The following NOX4 variants were observed in gnomAD, a reference collection of about 807,000 sequenced individuals.
NOX4 encodes the protein NADPH oxidase 4, also known as kidney oxidase-1.
In NOX4, 69 loss-of-function variants were observed where a neutral mutation model predicts 87.6. The observed-to-expected ratio is 0.79, with a 90% CI of 0.65 to 0.96. NOX4 has a LOEUF of 0.96. Among genes scored for constraint, NOX4 ranks in the 40% least tolerant of loss-of-function variants. The pLI is 0.00. For synonymous variants in NOX4, 275 were observed against 238.2 expected (o/e 1.15, Z -1.42); for missense variants, 680 against 681.5 (o/e 1.00, Z 0.02).
At chr11:89,385,921 T>G (rs769179035) in intron 11 of NOX4, among the ~76,000 whole-genome samples, 1 of 152,142 alleles carries the variant, frequency 6.6e-6, no homozygotes, top group Non-Finnish European at 1.5e-5. Flanking sequence ...CACCTCTACA[T>G]AGTCCAATAA....
At chr11:89,389,480 A>T (rs1940968090) in intron 11 of NOX4, among the ~76,000 whole-genome samples, 1 of 152,142 alleles carries the variant, frequency 6.6e-6, no homozygotes, top group Admixed American at 6.6e-5. Context: ...ATTGTTTCTA[A>T]CTGGCACAGT....
At chr11:89,578,250 C>T in the NOX4 span, among the ~76,000 whole-genome samples, 26 of 152,052 alleles carry the variant, frequency 1.7e-4, no homozygotes, top group East Asian at 1.9e-3. Flanking sequence ...CAACCTCTGC[C>T]TCCCGGGTTC....
At chr11:89,405,249 C>T (rs936407520) in intron 8 of NOX4, among the ~76,000 whole-genome samples, 2 of 152,016 alleles carry the variant, frequency 1.3e-5, no homozygotes, top group African/African-American at 4.8e-5. Flanking sequence ...AATGTTGTTA[C>T]TATACAGTAA....
chr11:89,383,191 T>A (rs1283808692), intron 11 of NOX4, among the ~76,000 whole-genome samples: 1 of 152,186 alleles, frequency 6.6e-6, no homozygotes, highest in Admixed American at 6.5e-5. Context: ...ACACAAGAAC[T>A]TCAAAACGCC....
chr11:89,418,503 T>C (rs1168856981), intron 8 of NOX4, among the ~76,000 whole-genome samples: 1 of 150,370 alleles, frequency 6.7e-6, no homozygotes, highest in Non-Finnish European at 1.5e-5. Flanking sequence ...AGAGCAAATG[T>C]TAGTAAAAGA....
chr11:89,373,341 A>G (rs1467762802), intron 12 of NOX4, 91 bp downstream of exon 12: 8 of 760,478 alleles, frequency 1.1e-5, no homozygotes, highest in African/African-American at 3.5e-5. Context: ...ACACATCTCT[A>G]TACATGCTGG....
intron 6 of NOX4, among the ~76,000 whole-genome samples, chr11:89,439,210 AG>A (rs1032506135): frequency 6.6e-6 from 1 of 150,782 alleles, no homozygotes; most frequent in Non-Finnish European, 1.5e-5. Context: ...TATTAAACAA[AG>A]CTTTTGTTTC....
intron 13 of NOX4, among the ~76,000 whole-genome samples, chr11:89,346,448 C>A (rs914318145): frequency 6.6e-6 from 1 of 151,322 alleles, no homozygotes; most frequent in East Asian, 1.9e-4. Context: ...GCTACTTTGT[C>A]GACTGACAAT....
the NOX4 span, among the ~76,000 whole-genome samples, chr11:89,560,737 T>C: frequency 6.6e-6 from 1 of 151,750 alleles, no homozygotes; most frequent in Admixed American, 6.6e-5. Context: ...CTCCTGCCTT[T>C]GGACATCAGA....
chr11:89,351,013 G>A (rs1946432644), intron 13 of NOX4, among the ~76,000 whole-genome samples: 1 of 152,218 alleles, frequency 6.6e-6, no homozygotes, highest in African/African-American at 2.4e-5. Flanking sequence ...TGAAAGCTGA[G>A]ATAGGCATAA....
In NOX4 at chr11:89,367,082, T is replaced by C. The variant is rs117067307; in HGVS notation, c.1135+6350A>G. On this transcript the variant is annotated intron_variant, in intron 12 of 17. Transcript: ENST00000263317. ...CACATTCATTGAATGATTTATTATA[T>C]TGTGATAGTAAATAAGCCATGTTAA... Among the ~76,000 whole-genome samples the C allele has an allele frequency of 2.5e-4, 38 of 152,290 alleles. 1 individual carries two copies. The East Asian group carries it at 7.2e-3, about 29-fold the overall frequency.
the NOX4 span, among the ~76,000 whole-genome samples, chr11:89,579,151 A>G: frequency 6.6e-6 from 1 of 152,200 alleles, no homozygotes; most frequent in Non-Finnish European, 1.5e-5. Context: ...GAGTTCATGG[A>G]AGAAAGGGAT....
At chr11:89,458,854 T>C (rs535164262) in intron 2 of NOX4, among the ~76,000 whole-genome samples, 1 of 152,324 alleles carries the variant, frequency 6.6e-6, no homozygotes, top group Admixed American at 6.5e-5. Flanking sequence ...ATGCTGTTCA[T>C]GGGAATGTGA....
At chr11:89,433,810 A>C (rs1591235097) in intron 6 of NOX4, among the ~76,000 whole-genome samples, 1 of 152,126 alleles carries the variant, frequency 6.6e-6, no homozygotes, top group African/African-American at 2.4e-5. Context: ...TAATGGCAGG[A>C]TAGATTGCTA....
At chr11:89,470,733 T>C (rs1004124021) in intron 2 of NOX4, among the ~76,000 whole-genome samples, 33 of 152,304 alleles carry the variant, frequency 2.2e-4, no homozygotes, top group African/African-American at 7.9e-4. Flanking sequence ...TCCTTTTTTT[T>C]GGTCCCAACT....
upstream of NOX4, among the ~76,000 whole-genome samples, chr11:89,494,961 G>T (rs1445943301): frequency 6.6e-6 from 1 of 152,124 alleles, no homozygotes; most frequent in Non-Finnish European, 1.5e-5. Context: ...TTCTTCTTTT[G>T]AGACAGGATC....
At chr11:89,422,553 G>A (rs1425622175) in intron 7 of NOX4, among the ~76,000 whole-genome samples, 1 of 152,118 alleles carries the variant, frequency 6.6e-6, no homozygotes, top group Admixed American at 6.6e-5. Context: ...GAATGTTTGA[G>A]AGAAGTAAAA....
At chr11:89,549,565 TG>T in the NOX4 span, among the ~76,000 whole-genome samples, 1 of 152,306 alleles carries the variant, frequency 6.6e-6, no homozygotes, top group East Asian at 1.9e-4. Context: ...TAGGTATACA[TG>T]TGCCATGGTG....
chr11:89,552,038 CTTA>C, the NOX4 span, among the ~76,000 whole-genome samples: 1 of 152,088 alleles, frequency 6.6e-6, no homozygotes, highest in Non-Finnish European at 1.5e-5. Context: ...TACAAAAATA[CTTA>C]TTTTTACCAT....
Sources: gnomAD v4.1 joint callset for allele counts (sites outside exome capture counted in the v4.1 genomes callset) on GRCh38, gnomAD v4.1.1 for gene constraint, MANE v1.5 for transcripts, NCBI Gene and HGNC (gene_info 2026-07-23, HGNC 2026-07-21) for gene names.